FGF16: variants seen among roughly 807,000 people sequenced by gnomAD.
The protein encoded by FGF16 is fibroblast growth factor 16.
FGF16 carries 2 observed loss-of-function variants against 8.5 expected under a neutral mutation model. That is an observed-to-expected ratio of 0.24 (90% CI 0.10 to 0.75). The LOEUF is 0.75. FGF16 is among the 30% of genes least tolerant of loss of function. The pLI, the probability that FGF16 is intolerant of heterozygous loss-of-function variation, is 0.74. For synonymous variants in FGF16, 33 were observed against 34.6 expected (o/e 0.95, Z 0.16); for missense variants, 79 against 87.4 (o/e 0.90, Z 0.38).
chrX:77,455,396 C>G (rs782686358), intron 2 of FGF16, among the ~76,000 whole-genome samples: 5 of 111,995 alleles, frequency 4.5e-5, no homozygotes, highest in Non-Finnish European at 9.4e-5. Context: ...ATGAAACAAA[C>G]AAATGAAGAA....
chrX:77,456,823 G>GC lies in FGF16; in HGVS notation c.*301_*302insC. 5.1e-6 allele frequency: 1 copy of GC among 195,964 alleles called. No homozygotes were observed. The highest frequency in any genetic ancestry group is 1.5e-4 in the South Asian group (1 of 6,721). 16.1% of individuals were successfully genotyped at this position (195,964 alleles called of 1,213,427 possible). A position where few individuals can be genotyped will look rare whatever the true frequency, so the allele number is the denominator to read the frequency against. On this transcript the variant is annotated 3_prime_UTR_variant, in exon 3 of 3. Coordinates refer to ENST00000439435, the MANE Select transcript of FGF16 (RefSeq NM_003868.3). Reference sequence around the variant, plus strand: ...TGGGAGCCCCTGCTAAGGGCCAGGGGTGTCTTACCCCACAATTTACTCAAA... The same window carrying GC: ...TGGGAGCCCCTGCTAAGGGCCAGGGGCTGTCTTACCCCACAATTTACTCAAA...
Position 77,447,765 on chromosome X carries a change from C to T in FGF16, c.91C>T (p.Pro31Ser), listed in dbSNP as rs1473127579. ...SLGNVPLADS[P>S]GFLNERLGQI... ...GGGGAACGTGCCCTTAGCTGACTCC[C>T]CAGGTTTCCTGAACGAGCGCCTGGG... is the stretch of plus-strand genomic sequence containing the variant. Residue 31 changes from proline (P) to serine (S), a missense_variant, in exon 1 of 3, where the codon CCA becomes TCA. Coordinates refer to ENST00000439435, the MANE Select transcript of FGF16 (RefSeq NM_003868.3). 4 of 298,291 alleles carry T rather than the reference C, an allele frequency of 1.3e-5. No homozygotes were observed. Among genetic ancestry groups the T allele is most frequent in the Non-Finnish European group, 2.3e-5 (4 of 170,474 alleles). 24.6% of individuals were successfully genotyped at this position (298,291 alleles called of 1,213,427 possible).
intron 1 of FGF16, among the ~76,000 whole-genome samples, chrX:77,448,329 G>C (rs1255929695): frequency 8.9e-6 from 1 of 112,828 alleles, no homozygotes; most frequent in East Asian, 2.8e-4. Context: ...AGCCTCGAAG[G>C]CAGCAGGGCT....
intron 1 of FGF16, among the ~76,000 whole-genome samples, chrX:77,449,570 C>T (rs1450053597): frequency 2.7e-5 from 3 of 111,191 alleles, no homozygotes; most frequent in East Asian, 5.6e-4. Flanking sequence ...GTGGGGGTAG[C>T]GAAAGTGGAA....
intron 1 of FGF16, among the ~76,000 whole-genome samples, chrX:77,449,424 T>C (rs1241201734): frequency 2.7e-5 from 3 of 110,949 alleles, no homozygotes; most frequent in Non-Finnish European, 5.7e-5. Context: ...TGCAGTCCCC[T>C]TTTGTTCCTC....
At chrX:77,454,383 G>T (rs2062566925) in intron 2 of FGF16, 123 bp downstream of exon 2, 1 of 408,153 alleles carries the variant, frequency 2.5e-6, no homozygotes, top group Admixed American at 5.5e-5. Flanking sequence ...AGGCATGGTG[G>T]CTCACGCCTG....
intron 1 of FGF16, among the ~76,000 whole-genome samples, chrX:77,453,533 G>A (rs1253328325): frequency 8.9e-6 from 1 of 112,117 alleles, no homozygotes; most frequent in Non-Finnish European, 1.9e-5. Context: ...TTGTCAGCTT[G>A]GGGCTGTACT....
intron 1 of FGF16, among the ~76,000 whole-genome samples, chrX:77,451,521 GCT>G (rs199652643): frequency 0.011 from 1,256 of 111,750 alleles, 19 homozygotes; most frequent in African/African-American, 0.039. Flanking sequence ...CTTTGAACAT[GCT>G]CTGTTTTTCC....
At chrX:77,453,384 T>G (rs2062562852) in intron 1 of FGF16, among the ~76,000 whole-genome samples, 1 of 112,232 alleles carries the variant, frequency 8.9e-6, no homozygotes, top group African/African-American at 3.2e-5. Context: ...ACCTCTAATA[T>G]TGTCCGCTAG....
chrX:77,452,981 G>C (rs1316094211), intron 1 of FGF16, among the ~76,000 whole-genome samples: 1 of 111,210 alleles, frequency 9.0e-6, no homozygotes, highest in Non-Finnish European at 1.9e-5. Context: ...GGAGGCTGAG[G>C]TGGGATGACC....
At chrX:77,456,177 C>A in intron 2 of FGF16, 100 bp from the exon 3 acceptor site, 1 of 796,406 alleles carries the variant, frequency 1.3e-6, no homozygotes, top group Non-Finnish European at 1.9e-6. Flanking sequence ...AATTTTCTAA[C>A]ATCAATGTGC....
chrX:77,449,550 G>C (rs1383249489), intron 1 of FGF16, among the ~76,000 whole-genome samples: 1 of 111,507 alleles, frequency 9.0e-6, no homozygotes, highest in Non-Finnish European at 1.9e-5. Context: ...AAATGATGGA[G>C]AGATGTGGGG....
In FGF16 at chrX:77,454,272, G is replaced by GGT; in HGVS notation, c.378+12_378+13insGT. ...AACTCTATGGGTCGGTAAGTTTAAG[G>GGT]TTTTTTTTTTTTTTTTTTTTTTTTT... On this transcript the variant is annotated intron_variant, in intron 2 of 2. Coordinates refer to ENST00000439435, the MANE Select transcript of FGF16 (RefSeq NM_003868.3). The GGT allele has an allele frequency of 6.5e-6, 1 of 154,093 alleles. No individual in the cohort carries two copies. Among genetic ancestry groups the GGT allele is most frequent in the Non-Finnish European group, 1.1e-5 (1 of 89,411 alleles). The allele number at this position is 154,093 out of a possible 1,213,427, so 12.7% of individuals were successfully genotyped here. A position where few individuals can be genotyped will look rare whatever the true frequency, so the allele number is the denominator to read the frequency against.
chrX:77,447,824 C>G lies in FGF16; in HGVS notation c.150C>G (p.Pro50=), dbSNP rs1287545000. Residue 50 remains proline, a synonymous_variant, in exon 1 of 3, where the codon CCC becomes CCG. Coordinates refer to ENST00000439435, the MANE Select transcript of FGF16 (RefSeq NM_003868.3). Reference sequence around the variant, plus strand: ...AGGGGAAGCTGCAGCGTGGCTCACCCACAGACTTCGCCCACCTAAAGGGGA... The same window carrying G: ...AGGGGAAGCTGCAGCGTGGCTCACCGACAGACTTCGCCCACCTAAAGGGGA... ...QIEGKLQRGS[P]TDFAHLKGIL... 1.0e-5 allele frequency: 3 copies of G among 297,118 alleles called. No homozygotes were observed. Among genetic ancestry groups the G allele is most frequent in the Non-Finnish European group, 1.8e-5 (3 of 170,299 alleles). The allele number at this position is 297,118 out of a possible 1,213,427, so 24.5% of individuals were successfully genotyped here.
intron 1 of FGF16, among the ~76,000 whole-genome samples, chrX:77,451,112 A>G (rs782675964): frequency 8.9e-6 from 1 of 111,860 alleles, no homozygotes; most frequent in South Asian, 3.8e-4. Flanking sequence ...ATGCCCAAAG[A>G]CAGCTGGGCA....
At position 77,454,255 on chromosome X, in the gene FGF16, G is replaced by A; in HGVS notation, c.373G>A (p.Gly125Arg). 1 of 715,359 alleles carries A rather than the reference G, an allele frequency of 1.4e-6. No individual in the cohort carries two copies. The highest frequency in any genetic ancestry group is 2.1e-6 in the Non-Finnish European group (1 of 486,418). 59.0% of individuals were successfully genotyped at this position (715,359 alleles called of 1,213,427 possible). ...AATGAATGAGCGAGGAGAACTCTAT[G>A]GGTCGGTAAGTTTAAGGTTTTTTTT... is the stretch of plus-strand genomic sequence containing the variant. ...LGMNERGELY[G>R]SKKLTRECVF... Residue 125 changes from glycine (G) to arginine (R), a missense_variant, in exon 2 of 3, where the codon GGG (glycine) becomes AGG (arginine). By Grantham distance (125) the Gly-to-Arg change is moderately radical. Coordinates refer to ENST00000439435, the MANE Select transcript of FGF16 (RefSeq NM_003868.3).
chrX:77,457,120 T>TTTA lies in FGF16; in HGVS notation c.*601_*603dup, dbSNP rs1381984568. 1.8e-5 allele frequency: 2 copies of TTTA among 112,100 alleles called. No individual in the cohort carries two copies. Among genetic ancestry groups the TTTA allele is most frequent in the African/African-American group, 6.5e-5 (2 of 30,945 alleles). 9.2% of individuals were successfully genotyped at this position (112,100 alleles called of 1,213,427 possible). A position where few individuals can be genotyped will look rare whatever the true frequency, so the allele number is the denominator to read the frequency against. On this transcript the variant is annotated 3_prime_UTR_variant, in exon 3 of 3. Coordinates refer to ENST00000439435, the MANE Select transcript of FGF16 (RefSeq NM_003868.3). ...AACTATTTATAAAATGTATATGCTA[T>TTTA]TTATTTTATATATTTATTTATTTCA...
intron 1 of FGF16, among the ~76,000 whole-genome samples, chrX:77,449,339 C>G (rs1458120831): frequency 9.0e-6 from 1 of 111,245 alleles, no homozygotes; most frequent in Non-Finnish European, 1.9e-5. Context: ...AGCAGGTCCT[C>G]AAAAGGGTGA....
At chrX:77,448,939 C>T (rs1557026446) in intron 1 of FGF16, among the ~76,000 whole-genome samples, 1 of 111,394 alleles carries the variant, frequency 9.0e-6, no homozygotes, top group Non-Finnish European at 1.9e-5. Flanking sequence ...CTGCTTCCTC[C>T]CAAGGACCCT....
Sources: gnomAD v4.1 joint callset for allele counts (sites outside exome capture counted in the v4.1 genomes callset) on GRCh38, gnomAD v4.1.1 for gene constraint, MANE v1.5 for transcripts, NCBI Gene and HGNC (gene_info 2026-07-23, HGNC 2026-07-21) for gene names.